The following PTPN3 variants were observed in gnomAD, a reference collection of about 807,000 sequenced individuals.
PTPN3 encodes the protein tyrosine-protein phosphatase non-receptor type 3.
A neutral mutation model predicts 132.7 loss-of-function variants in PTPN3; 96 were observed. The ratio of observed to expected loss-of-function variants is 0.72; its 90% confidence interval spans 0.61 to 0.86. The LOEUF (loss-of-function observed/expected upper bound fraction) is 0.86, where lower values mean the gene tolerates loss of function less well. Ranked by LOEUF, PTPN3 falls within the 40% of genes least tolerant of loss-of-function variation. The probability of loss-of-function intolerance (pLI) is 0.00; values close to 1 mark genes in which losing one functional copy is unlikely to be tolerated. For synonymous variants in PTPN3, 398 were observed against 429.0 expected (o/e 0.93, Z 0.89); for missense variants, 1,125 against 1,159.6 (o/e 0.97, Z 0.43).
At chr9:109,534,991 T>C in the PTPN3 span, among the ~76,000 whole-genome samples, 1 of 152,242 alleles carries the variant, frequency 6.6e-6, no homozygotes, top group African/African-American at 2.4e-5. Context: ...CTTGGTAAAG[T>C]ATTTGTTCAA....
chr9:109,479,010 T>TG (rs796238584), intron 1 of PTPN3, among the ~76,000 whole-genome samples: 3 of 133,786 alleles, frequency 2.2e-5, no homozygotes, highest in South Asian at 4.5e-4. Context: ...TAAACAAGCG[T>TG]TTTTTTTTTT....
At chr9:109,514,264 A>G in the PTPN3 span, among the ~76,000 whole-genome samples, 1 of 152,116 alleles carries the variant, frequency 6.6e-6, no homozygotes, top group Non-Finnish European at 1.5e-5. Flanking sequence ...TAACATTTTA[A>G]TGTTATTAAG....
At position 109,383,500 on chromosome 9, in the gene PTPN3, C is replaced by T. The variant is rs1003787838; in HGVS notation, c.2305G>A (p.Gly769Ser). 26 of 1,613,900 alleles carry T rather than the reference C, an allele frequency of 1.6e-5. No individual in the cohort carries two copies. Among genetic ancestry groups the T allele is most frequent in the Non-Finnish European group, 1.9e-5 (22 of 1,180,020 alleles). ...PDPPDVMNHG[G>S]FHIQCQSEDC... ...TCTGACTGACACTGGATGTGAAAGC[C>T]GCCGTGGTTCATGACGTCGGGGGGA... Residue 769 changes from glycine to serine, a missense_variant, in exon 23 of 26, where the codon GGC becomes AGC. Physicochemically the swap from Gly to Ser is moderately conservative, Grantham distance 56 (BLOSUM62 0). Coordinates refer to ENST00000374541, the MANE Select transcript of PTPN3 (RefSeq NM_002829.4).
chr9:109,465,050 T>C (rs1320804376), intron 1 of PTPN3, among the ~76,000 whole-genome samples: 2 of 152,236 alleles, frequency 1.3e-5, no homozygotes. Flanking sequence ...ATTTGTGTAC[T>C]TTTCCATATG....
At chr9:109,459,920 C>T (rs532201526) in intron 2 of PTPN3, among the ~76,000 whole-genome samples, 1 of 152,128 alleles carries the variant, frequency 6.6e-6, no homozygotes, top group Non-Finnish European at 1.5e-5. Flanking sequence ...CTTCCATCCA[C>T]TTGCTTCTCA....
chr9:109,537,042 C>T, the PTPN3 span, among the ~76,000 whole-genome samples: 50,414 of 151,790 alleles, frequency 0.33, 9,082 homozygotes, highest in Middle Eastern at 0.45. Flanking sequence ...GCTCCCTCTC[C>T]GTAGCCCCAA....
At chr9:109,449,744 T>C (rs1845126197) in intron 5 of PTPN3, 5 of 985,298 alleles carry the variant, frequency 5.1e-6, no homozygotes, top group Non-Finnish European at 6.0e-6. Context: ...GGGAAACCTC[T>C]TGAAATCTAA....
chr9:109,537,425 C>G, the PTPN3 span, among the ~76,000 whole-genome samples: 2 of 152,168 alleles, frequency 1.3e-5, no homozygotes. Context: ...AGAGCATTTC[C>G]TCTGAAAATG....
In PTPN3 at chr9:109,476,370, TAAAAA is replaced by T. The variant is rs111446708; in HGVS notation, c.-17-12924_-17-12920del. ...TATCAAAATAACAAGTTGTAAACCTTAAAAAAAAAAACAGTAAAAAGTAAACAAAA... is the reference window on the plus strand; with the variant it reads ...TATCAAAATAACAAGTTGTAAACCTTAAAAAACAGTAAAAAGTAAACAAAA... On this transcript the variant is annotated intron_variant, in intron 1 of 25. Coordinates refer to ENST00000374541, the MANE Select transcript of PTPN3 (RefSeq NM_002829.4). Among the ~76,000 whole-genome samples, 576 of 143,492 alleles carry T rather than the reference TAAAAA, an allele frequency of 4.0e-3. 1 individual carries two copies. The highest frequency in any genetic ancestry group is 6.9e-3 in the Non-Finnish European group (452 of 65,076). 94.1% of individuals were successfully genotyped at this position (143,492 alleles called of 152,430 possible). A position where few individuals can be genotyped will look rare whatever the true frequency, so the allele number is the denominator to read the frequency against.
chr9:109,518,563 G>T, the PTPN3 span, among the ~76,000 whole-genome samples: 210 of 152,274 alleles, frequency 1.4e-3, 2 homozygotes, highest in African/African-American at 4.8e-3. Flanking sequence ...CGTAATTAAG[G>T]CTTCCTTCCT....
chr9:109,536,041 C>A, the PTPN3 span, among the ~76,000 whole-genome samples: 3 of 152,300 alleles, frequency 2.0e-5, no homozygotes, highest in Non-Finnish European at 2.9e-5. Context: ...CCCTTAGCCC[C>A]TGGCAACCAC....
chr9:109,399,202 C>G (rs1840850126), intron 19 of PTPN3, among the ~76,000 whole-genome samples: 2 of 152,178 alleles, frequency 1.3e-5, no homozygotes, highest in South Asian at 4.1e-4. Flanking sequence ...TCTGTTGCAG[C>G]CCAGGCTGGA....
rs1842008620 is a variant in PTPN3, at chr9:109,410,650, T to C, written c.1314-235A>G. Among the ~76,000 whole-genome samples, 3 of 152,154 alleles carry C rather than the reference T, an allele frequency of 2.0e-5. No individual in the cohort carries two copies. The South Asian group carries it at 6.2e-4, about 32-fold the overall frequency. On this transcript the variant is annotated intron_variant, in intron 14 of 25. Coordinates refer to ENST00000374541, the MANE Select transcript of PTPN3 (RefSeq NM_002829.4). The stretch of plus-strand genomic sequence containing the variant: ...AAAGGGATAGGAGGCAGGGTGGATC[T>C]GGAAACTGCTGAAAACTTTGCTCCC...
intron 14 of PTPN3, among the ~76,000 whole-genome samples, chr9:109,416,862 C>T (rs1351860364): frequency 6.6e-6 from 1 of 152,220 alleles, no homozygotes; most frequent in Non-Finnish European, 1.5e-5. Flanking sequence ...GCCCCATCCA[C>T]TCGGAGGGTG....
the PTPN3 span, among the ~76,000 whole-genome samples, chr9:109,519,949 G>A: frequency 6.6e-6 from 1 of 152,138 alleles, no homozygotes; most frequent in Non-Finnish European, 1.5e-5. Context: ...CATGAGGTCA[G>A]GAGATCGAGA....
Position 109,485,279 on chromosome 9 carries a change from G to A in PTPN3, c.-18+12940C>T, listed in dbSNP as rs544485029. 5.3e-5 allele frequency among the ~76,000 whole-genome samples: 8 copies of A among 152,262 alleles called. No individual in the cohort carries two copies. The South Asian group carries it at 8.3e-4, about 16-fold the overall frequency. ...TCCCAGCACTTTGGGAGGCCGAGGCGGGTGGATCACGAGGTCAGGAGATCG... is the reference window on the plus strand; with the variant it reads ...TCCCAGCACTTTGGGAGGCCGAGGCAGGTGGATCACGAGGTCAGGAGATCG... On this transcript the variant is annotated intron_variant, in intron 1 of 25. Coordinates refer to ENST00000374541, the MANE Select transcript of PTPN3 (RefSeq NM_002829.4).
chr9:109,469,595 A>C (rs1846267554), intron 1 of PTPN3, among the ~76,000 whole-genome samples: 1 of 152,200 alleles, frequency 6.6e-6, no homozygotes, highest in Non-Finnish European at 1.5e-5. Context: ...CTCCAGCCTG[A>C]GCGACAGAGT....
intron 1 of PTPN3, among the ~76,000 whole-genome samples, chr9:109,496,975 C>T (rs1193791267): frequency 3.9e-5 from 6 of 152,174 alleles, no homozygotes; most frequent in Non-Finnish European, 5.9e-5. Context: ...TACTTTCTCC[C>T]ATCATCTGCT....
At position 109,423,430 on chromosome 9, in the gene PTPN3, C is replaced by A. The variant is rs982351800; in HGVS notation, c.1002-578G>T. Among the ~76,000 whole-genome samples the A allele has an allele frequency of 2.0e-5, 3 of 152,224 alleles. No homozygotes were observed. In the East Asian group the frequency reaches 5.8e-4, roughly 29 times the overall value. On this transcript the variant is annotated intron_variant, in intron 12 of 25. Transcript: ENST00000374541. ...GACCAGCCTGGCCAACATGGCAAAA[C>A]CCTACCTCTACTAAAAATACAAAAA...
Sources: gnomAD v4.1 joint callset for allele counts (sites outside exome capture counted in the v4.1 genomes callset) on GRCh38, gnomAD v4.1.1 for gene constraint, MANE v1.5 for transcripts, NCBI Gene and HGNC (gene_info 2026-07-23, HGNC 2026-07-21) for gene names.